PLB1: variants seen among roughly 807,000 people sequenced by gnomAD.
The protein encoded by PLB1 is phospholipase B1, also known as phospholipase B1, membrane-associated.
In PLB1, 242 loss-of-function variants were observed where a neutral mutation model predicts 227.4. That is an observed-to-expected ratio of 1.06 (90% CI 0.96 to 1.18). The LOEUF (loss-of-function observed/expected upper bound fraction) is 1.18. Among genes scored for constraint, PLB1 ranks in the 50% most tolerant of loss-of-function variants. PLB1 has a pLI of 0.00. For missense variants in PLB1, 1,858 were observed against 1,816.3 expected, an observed-to-expected ratio of 1.02 and a Z score of -0.42; for synonymous variants, 757 against 682.2, an observed-to-expected ratio of 1.11 and a Z score of -1.71.
At chr2:28,563,235 C>G in intron 18 of PLB1, 136 bp downstream of exon 18, 2 of 849,508 alleles carry the variant, frequency 2.4e-6, no homozygotes, top group Non-Finnish European at 3.9e-6. Flanking sequence ...ATCTCCATCT[C>G]TCCATTGTCC....
intron 50 of PLB1, among the ~76,000 whole-genome samples, chr2:28,625,802 A>G (rs543037210): frequency 1.3e-5 from 2 of 152,188 alleles, no homozygotes; most frequent in East Asian, 3.9e-4. Context: ...GGCCAAGGAT[A>G]TGTGGGACAC....
At chr2:28,545,234 A>G (rs1427847981) in intron 14 of PLB1, among the ~76,000 whole-genome samples, 2 of 126,038 alleles carry the variant, frequency 1.6e-5, no homozygotes, top group East Asian at 3.3e-4. Context: ...CCACACCCAT[A>G]CAAGTCCGGT....
At chr2:28,547,975 C>T (rs539174315) in intron 14 of PLB1, among the ~76,000 whole-genome samples, 28 of 152,152 alleles carry the variant, frequency 1.8e-4, no homozygotes, top group African/African-American at 5.5e-4. Flanking sequence ...GTTTTATCTA[C>T]GTTATTAGAT....
chr2:28,529,722 GCA>G lies in PLB1; in HGVS notation c.417-3_417-2del. The G allele has an allele frequency of 6.2e-7, 1 of 1,613,912 alleles. No individual in the cohort carries two copies. The highest frequency in any genetic ancestry group is 8.5e-7 in the Non-Finnish European group (1 of 1,179,822). ...AATTTTTCTCTGTTTCCCTCCCTCT[GCA>G]CAGAGACTTGTGGATTCAGGCTCAA... On this transcript the variant is annotated splice_polypyrimidine_tract_variant and splice_region_variant and intron_variant, in intron 7 of 57. Coordinates refer to ENST00000327757, the MANE Select transcript of PLB1 (RefSeq NM_153021.5).
chr2:28,566,445 T>G lies in PLB1; in HGVS notation c.1281-351T>G, dbSNP rs191571730. 1.8e-4 allele frequency: 40 copies of G among 222,302 alleles called. No individual in the cohort carries two copies. In the East Asian group the frequency reaches 3.6e-3, roughly 20 times the overall value. 13.8% of individuals were successfully genotyped at this position (222,302 alleles called of 1,614,324 possible). Reference sequence around the variant, plus strand: ...AGAAGAGAGAAAAAAATAGGGCCAATAATATTAATGCACGCTGCAGTGGCT... The same window carrying G: ...AGAAGAGAGAAAAAAATAGGGCCAAGAATATTAATGCACGCTGCAGTGGCT... On this transcript the variant is annotated intron_variant, in intron 19 of 57. Transcript: ENST00000327757.
chr2:28,600,991 G>A (rs1294862824), intron 36 of PLB1, 131 bp downstream of exon 36: 2 of 861,076 alleles, frequency 2.3e-6, no homozygotes, highest in African/African-American at 3.4e-5. Flanking sequence ...TGGTCGGACA[G>A]CCCCCTGACA....
At chr2:28,612,818 T>A (rs1346119058) in intron 43 of PLB1, among the ~76,000 whole-genome samples, 4 of 149,516 alleles carry the variant, frequency 2.7e-5, no homozygotes, top group African/African-American at 9.9e-5. Context: ...GGTTTCACCA[T>A]GTTGTCCAGG....
At chr2:28,581,878 T>C (rs1558823162) in intron 23 of PLB1, among the ~76,000 whole-genome samples, 190 bp from the exon 24 acceptor site, 1 of 151,914 alleles carries the variant, frequency 6.6e-6, no homozygotes, top group African/African-American at 2.4e-5. Flanking sequence ...GGAGGATTGC[T>C]TGAGCCCAGG....
chr2:28,601,250 A>T lies in PLB1; in HGVS notation c.2527-2A>T. ...ATCAAGCATTTTCCTCCCTCCATAT[A>T]GAGAGTAAATTTCCATGAAGACTGG... On this transcript the variant is annotated splice_acceptor_variant, in intron 36 of 57. Coordinates refer to ENST00000327757, the MANE Select transcript of PLB1 (RefSeq NM_153021.5). LOFTEE classifies it high-confidence loss of function. The T allele has an allele frequency of 6.2e-7, 1 of 1,608,506 alleles. No individual in the cohort carries two copies.
At chr2:28,637,814 G>A (rs1689545433) in intron 56 of PLB1, among the ~76,000 whole-genome samples, 1 of 152,150 alleles carries the variant, frequency 6.6e-6, no homozygotes, top group African/African-American at 2.4e-5. Flanking sequence ...ACCTCCTGCA[G>A]GAAGCTACCT....
rs1671992337 is a variant in PLB1 at position 28,538,381 on chromosome 2, G to A, written c.618G>A (p.Glu206=). 1 of 1,611,612 alleles carries A rather than the reference G, an allele frequency of 6.2e-7. No individual in the cohort carries two copies. Among genetic ancestry groups the A allele is most frequent in the Non-Finnish European group, 8.5e-7 (1 of 1,179,696 alleles). ...LMGVLDYLQQ[E]VPRAFVNLVD... ...GGGTGCTGGACTACCTGCAGCAGGA[G>A]GTGAGGCCACGGGCCTAGGGCTTCC... Residue 206 remains glutamate, a splice_region_variant and synonymous_variant, in exon 10 of 58, where the codon GAG becomes GAA. Coordinates refer to ENST00000327757, the MANE Select transcript of PLB1 (RefSeq NM_153021.5).
chr2:28,591,880 T>TCA, intron 31 of PLB1, 120 bp downstream of exon 31: 1 of 1,015,724 alleles, frequency 9.8e-7, no homozygotes, highest in Non-Finnish European at 1.5e-6. Flanking sequence ...GTGCTTGCTG[T>TCA]CTGCCTGGGT....
intron 14 of PLB1, chr2:28,548,429 C>G: frequency 2.6e-6 from 1 of 380,748 alleles, no homozygotes; most frequent in African/African-American, 2.1e-5. Flanking sequence ...AACCGGCCCC[C>G]ACGTGATCAG....
chr2:28,633,440 CG>C (rs1688925252), intron 56 of PLB1: 1 of 189,630 alleles, frequency 5.3e-6, no homozygotes, highest in Non-Finnish European at 1.1e-5. Context: ...TCTCAGACAA[CG>C]CATTGAGATC....
intron 18 of PLB1, among the ~76,000 whole-genome samples, chr2:28,564,514 C>T (rs1004925360): frequency 2.6e-5 from 4 of 152,222 alleles, no homozygotes; most frequent in African/African-American, 9.7e-5. Flanking sequence ...CGGGGCCTGA[C>T]ATCACCTGCT....
At chr2:28,556,986 G>T (rs765266389) in intron 17 of PLB1, among the ~76,000 whole-genome samples, 2 of 151,964 alleles carry the variant, frequency 1.3e-5, no homozygotes, top group African/African-American at 4.8e-5. Flanking sequence ...TCATCTCATC[G>T]TGAGCCAGCA....
In PLB1 at chr2:28,589,434, C is replaced by A; in HGVS notation, c.1816-16C>A. 1.2e-6 allele frequency: 2 copies of A among 1,604,886 alleles called. No homozygotes were observed. The highest frequency in any genetic ancestry group is 4.5e-5 in the East Asian group (2 of 44,838). ...AGAGAGGACTGCCTGACATCTGTCCCCTTTTCCTCCTGCAGGAGAAGACCC... is the reference window on the plus strand; with the variant it reads ...AGAGAGGACTGCCTGACATCTGTCCACTTTTCCTCCTGCAGGAGAAGACCC... On this transcript the variant is annotated splice_polypyrimidine_tract_variant and intron_variant, in intron 26 of 57. Coordinates refer to ENST00000327757, the MANE Select transcript of PLB1 (RefSeq NM_153021.5).
chr2:28,509,336 C>A (rs768780677), intron 1 of PLB1, among the ~76,000 whole-genome samples: 8 of 152,168 alleles, frequency 5.3e-5, no homozygotes, highest in Non-Finnish European at 8.8e-5. Flanking sequence ...ACCTTGGAAG[C>A]ACGTGAACAT....
At chr2:28,507,117 T>G (rs1472384437) in intron 1 of PLB1, among the ~76,000 whole-genome samples, 1 of 152,136 alleles carries the variant, frequency 6.6e-6, no homozygotes, top group Admixed American at 6.5e-5. Flanking sequence ...TGCTGCTGAT[T>G]GTGGAAGATA....
Sources: allele counts gnomAD v4.1 joint callset (sites outside exome capture counted in the v4.1 genomes callset), GRCh38; gene constraint gnomAD v4.1.1; transcripts MANE v1.5; gene names NCBI Gene and HGNC (gene_info 2026-07-23, HGNC 2026-07-21).